ATP9B: variants seen among roughly 807,000 people sequenced by gnomAD.
ATP9B encodes the protein ATPase phospholipid transporting 9B.
ATP9B carries 110 observed loss-of-function variants against 146.1 expected under a neutral mutation model. That is an observed-to-expected ratio of 0.75 (90% CI 0.65 to 0.88). ATP9B has a LOEUF of 0.88. Ranked by LOEUF, ATP9B falls within the 40% of genes least tolerant of loss-of-function variation. ATP9B has a pLI of 0.00. For missense variants in ATP9B, 1,499 were observed against 1,496.4 expected (o/e 1.00, Z -0.03); for synonymous variants, 604 against 569.7 (o/e 1.06, Z -0.86).
chr18:79,306,280 G>T (rs1049262611), intron 14 of ATP9B, among the ~76,000 whole-genome samples: 1 of 152,170 alleles, frequency 6.6e-6, no homozygotes, highest in Non-Finnish European at 1.5e-5. Context: ...GACACCCTCC[G>T]CCACGTAGGA....
At chr18:79,337,476 C>T (rs1294580634) in intron 19 of ATP9B, 27 bp downstream of exon 19, 21 of 1,594,720 alleles carry the variant, frequency 1.3e-5, no homozygotes, top group East Asian at 4.5e-5. Context: ...TCTGCTGGCG[C>T]GCGCTGCTTT....
intron 14 of ATP9B, among the ~76,000 whole-genome samples, chr18:79,306,559 A>AT (rs2096621486): frequency 6.6e-6 from 1 of 152,198 alleles, no homozygotes; most frequent in African/African-American, 2.4e-5. Context: ...ATTCTTAAAG[A>AT]TTTTGTCCTG....
Position 79,083,451 on chromosome 18 carries a change from T to C in ATP9B, c.120-13025T>C, listed in dbSNP as rs149657585. Among the ~76,000 whole-genome samples the C allele has an allele frequency of 3.7e-3, 564 of 151,902 alleles. 4 individuals are homozygous for C. The highest frequency in any genetic ancestry group is 0.013 in the African/African-American group (520 of 41,404). On this transcript the variant is annotated intron_variant, in intron 1 of 29. Transcript: ENST00000426216. Reference sequence around the variant, plus strand: ...GTTGGCATTCCAGGCGCCACTGGGGTATGAAAAAAGACTCCTGCAGCTAGC... The same window carrying C: ...GTTGGCATTCCAGGCGCCACTGGGGCATGAAAAAAGACTCCTGCAGCTAGC...
intron 13 of ATP9B, among the ~76,000 whole-genome samples, chr18:79,286,801 C>G (rs1172985746): frequency 1.3e-5 from 2 of 152,112 alleles, no homozygotes; most frequent in Non-Finnish European, 2.9e-5. Flanking sequence ...CCATCAATAC[C>G]TAATTTATTG....
At chr18:79,314,297 T>C (rs979008352) in intron 15 of ATP9B, among the ~76,000 whole-genome samples, 7 of 152,256 alleles carry the variant, frequency 4.6e-5, no homozygotes. Context: ...GTTTAGTAAG[T>C]AGAGTGCCCT....
chr18:79,157,986 T>A (rs1038440297), intron 7 of ATP9B, among the ~76,000 whole-genome samples: 1 of 152,166 alleles, frequency 6.6e-6, no homozygotes, highest in African/African-American at 2.4e-5. Context: ...TTTTCTCACT[T>A]GTTTTTCTGT....
intron 13 of ATP9B, among the ~76,000 whole-genome samples, chr18:79,295,349 C>T (rs1396370091): frequency 6.6e-6 from 1 of 152,180 alleles, no homozygotes; most frequent in Non-Finnish European, 1.5e-5. Flanking sequence ...TCATTGATTT[C>T]CTCTAAGAAA....
chr18:79,227,735 C>G (rs967350928), intron 11 of ATP9B, among the ~76,000 whole-genome samples: 4 of 152,204 alleles, frequency 2.6e-5, no homozygotes, highest in African/African-American at 7.2e-5. Context: ...CATGTGGGCT[C>G]CAGCCCAGCA....
At chr18:79,353,866 CAA>C (rs2096935694) in intron 25 of ATP9B, 1 of 152,076 alleles carries the variant, frequency 6.6e-6, no homozygotes, top group East Asian at 1.9e-4. Context: ...AGAAAGTTAA[CAA>C]AAGTAATTAA....
At chr18:79,224,519 G>T (rs2095710451) in intron 11 of ATP9B, among the ~76,000 whole-genome samples, 1 of 152,154 alleles carries the variant, frequency 6.6e-6, no homozygotes, top group South Asian at 2.1e-4. Context: ...GAGGGTCTGG[G>T]GTTCATGGAC....
intron 1 of ATP9B, among the ~76,000 whole-genome samples, chr18:79,071,422 G>C (rs369609561): frequency 7.8e-5 from 1 of 12,866 alleles, no homozygotes; most frequent in African/African-American, 2.1e-4. Flanking sequence ...TTGAGACAGG[G>C]TCTCACTCTG....
At chr18:79,129,883 AC>A (rs2094349043) in intron 5 of ATP9B, among the ~76,000 whole-genome samples, 1 of 152,006 alleles carries the variant, frequency 6.6e-6, no homozygotes, top group Non-Finnish European at 1.5e-5. Flanking sequence ...AGCTGGAATT[AC>A]AGGCATGCGC....
chr18:79,179,076 G>A (rs931324643), intron 8 of ATP9B, among the ~76,000 whole-genome samples: 2 of 152,130 alleles, frequency 1.3e-5, no homozygotes, highest in Non-Finnish European at 2.9e-5. Flanking sequence ...GGAAATTTGT[G>A]TTTTTCAGAG....
chr18:79,242,813 CA>C (rs1453186601), intron 11 of ATP9B, among the ~76,000 whole-genome samples: 1 of 152,140 alleles, frequency 6.6e-6, no homozygotes, highest in Admixed American at 6.5e-5. Context: ...TAAAGTAACA[CA>C]AAAATTTTAG....
chr18:79,356,915 T>C (rs11872333), intron 25 of ATP9B, among the ~76,000 whole-genome samples: 476 of 11,904 alleles, frequency 0.04, 23 homozygotes, highest in East Asian at 0.081. Context: ...GTGAGGGGTG[T>C]CCTGGGTCTG....
intron 25 of ATP9B, among the ~76,000 whole-genome samples, chr18:79,355,924 C>G (rs537402348): frequency 8.6e-4 from 131 of 152,248 alleles, no homozygotes; most frequent in Non-Finnish European, 1.3e-3. Flanking sequence ...CAGAGGGACT[C>G]AAGTGCCGGA....
intron 10 of ATP9B, 86 bp downstream of exon 10, chr18:79,207,098 C>A: frequency 7.7e-7 from 1 of 1,301,300 alleles, no homozygotes; most frequent in Non-Finnish European, 1.1e-6. Flanking sequence ...AAGGGTTTCT[C>A]ACAGTGCCCT....
intron 9 of ATP9B, among the ~76,000 whole-genome samples, chr18:79,203,221 G>A (rs2095504433): frequency 6.7e-6 from 1 of 149,088 alleles, no homozygotes; most frequent in South Asian, 2.2e-4. Flanking sequence ...GAGGCAGTAG[G>A]ACGTGGAGGA....
intron 1 of ATP9B, among the ~76,000 whole-genome samples, chr18:79,071,711 CCTT>C (rs1248895724): frequency 6.6e-6 from 1 of 152,062 alleles, no homozygotes; most frequent in Non-Finnish European, 1.5e-5. Flanking sequence ...TGTGCTGCTT[CCTT>C]CTTGTGTCCA....
Sources: allele counts gnomAD v4.1 joint callset (sites outside exome capture counted in the v4.1 genomes callset), GRCh38; gene constraint gnomAD v4.1.1; transcripts MANE v1.5; gene names NCBI Gene and HGNC (gene_info 2026-07-23, HGNC 2026-07-21).